The following MYO16 variants were observed in gnomAD, a reference collection of about 807,000 sequenced individuals.
MYO16 encodes the protein unconventional myosin-XVI.
MYO16 carries 94 observed loss-of-function variants against 205.3 expected under a neutral mutation model. The observed-to-expected ratio is 0.46, with a 90% CI of 0.39 to 0.54. The LOEUF (loss-of-function observed/expected upper bound fraction) is 0.54, where lower values mean the gene tolerates loss of function less well. Among genes scored for constraint, MYO16 ranks in the 20% least tolerant of loss-of-function variants. MYO16 has a pLI of 0.00. For missense variants in MYO16, 2,315 were observed against 2,387.5 expected, an observed-to-expected ratio of 0.97 and a Z score of 0.63; for synonymous variants, 988 against 954.0, an observed-to-expected ratio of 1.04 and a Z score of -0.66.
intron 4 of MYO16, among the ~76,000 whole-genome samples, chr13:108,768,907 C>G (rs4316621): frequency 0.17 from 26,062 of 151,802 alleles, 2,369 homozygotes; most frequent in Middle Eastern, 0.3. Flanking sequence ...AAGAAGAAAT[C>G]AAATGGCCAT....
intron 16 of MYO16, among the ~76,000 whole-genome samples, chr13:108,939,086 C>T (rs1882614589): frequency 6.6e-6 from 1 of 152,234 alleles, no homozygotes; most frequent in African/African-American, 2.4e-5. Flanking sequence ...GCAGGCTCTC[C>T]AATCTCAGGC....
chr13:109,084,088 A>G (rs974853573), intron 27 of MYO16, among the ~76,000 whole-genome samples: 3 of 152,238 alleles, frequency 2.0e-5, no homozygotes, highest in African/African-American at 7.2e-5. Flanking sequence ...TGTTAAGCAA[A>G]TTGTCATAGT....
chr13:108,708,500 C>T (rs1047673694), intron 2 of MYO16, among the ~76,000 whole-genome samples: 8 of 152,236 alleles, frequency 5.3e-5, no homozygotes, highest in African/African-American at 1.9e-4. Flanking sequence ...AACACAAGAA[C>T]TCCCATATCC....
chr13:108,552,104 G>A, the MYO16 span, among the ~76,000 whole-genome samples: 1 of 152,122 alleles, frequency 6.6e-6, no homozygotes, highest in Non-Finnish European at 1.5e-5. Context: ...GTTTGAGGGA[G>A]GGGTCCATGG....
chr13:108,850,397 G>A (rs1406516003), intron 10 of MYO16, among the ~76,000 whole-genome samples: 2 of 152,274 alleles, frequency 1.3e-5, no homozygotes, highest in East Asian at 1.9e-4. Context: ...GCTTTGGATC[G>A]CAAAACATTT....
intron 11 of MYO16, among the ~76,000 whole-genome samples, chr13:108,863,967 T>C (rs2139120482): frequency 6.6e-6 from 1 of 152,320 alleles, no homozygotes; most frequent in South Asian, 2.1e-4. Context: ...GGCTACACTA[T>C]GGTTCATAAT....
intron 2 of MYO16, among the ~76,000 whole-genome samples, chr13:108,672,401 T>C (rs376439245): frequency 6.6e-5 from 10 of 152,222 alleles, no homozygotes; most frequent in African/African-American, 2.4e-4. Flanking sequence ...TTTTATCTCT[T>C]ATTTCCAAGT....
the MYO16 span, among the ~76,000 whole-genome samples, chr13:108,544,753 T>G: frequency 0.77 from 116,727 of 152,006 alleles, 45,122 homozygotes; most frequent in African/African-American, 0.8. Flanking sequence ...CCACCAGCAT[T>G]CTTCCTAGAC....
Position 108,617,159 on chromosome 13 carries a change from A to T in MYO16, c.-39+20920A>T, listed in dbSNP as rs368865503. On this transcript the variant is annotated intron_variant, in intron 1 of 24. Transcript: ENST00000251041. ...AGGTTTTTGTTTTCCTAGAGCAGTG[A>T]TTCTCAGACTTAGTGTTTAGCAGAG... 5.3e-5 allele frequency among the ~76,000 whole-genome samples: 8 copies of T among 152,156 alleles called. No homozygotes were observed. The East Asian group carries it at 1.5e-3, about 29-fold the overall frequency.
intron 16 of MYO16, among the ~76,000 whole-genome samples, chr13:108,935,009 G>A (rs1410814375): frequency 6.6e-6 from 1 of 152,124 alleles, no homozygotes; most frequent in Non-Finnish European, 1.5e-5. Context: ...GTACCATCAT[G>A]TTTGGGTTAC....
intron 9 of MYO16, among the ~76,000 whole-genome samples, chr13:108,842,072 GT>G (rs1877270270): frequency 6.6e-6 from 1 of 151,916 alleles, no homozygotes; most frequent in South Asian, 2.1e-4. Context: ...GAAAAATTAA[GT>G]CAAAATGGAT....
chr13:109,152,869 G>A (rs2139839401), intron 32 of MYO16, among the ~76,000 whole-genome samples: 1 of 152,124 alleles, frequency 6.6e-6, no homozygotes, highest in East Asian at 1.9e-4. Context: ...AAAGGTTTCG[G>A]AAAAATCACT....
At chr13:108,634,434 C>A (rs1485824047) in intron 1 of MYO16, among the ~76,000 whole-genome samples, 1 of 152,170 alleles carries the variant, frequency 6.6e-6, no homozygotes, top group Non-Finnish European at 1.5e-5. Flanking sequence ...CAGCTTCCAA[C>A]AGAGTGAATA....
intron 34 of MYO16, among the ~76,000 whole-genome samples, chr13:109,204,466 C>T (rs767724326): frequency 3.3e-5 from 5 of 152,092 alleles, no homozygotes; most frequent in African/African-American, 7.2e-5. Flanking sequence ...TGGAGGATGA[C>T]GGAGGAGCTG....
At chr13:109,086,493 G>A (rs563026180) in intron 27 of MYO16, among the ~76,000 whole-genome samples, 1 of 152,046 alleles carries the variant, frequency 6.6e-6, no homozygotes, top group South Asian at 2.1e-4. Flanking sequence ...ATTTCTTTAG[G>A]GTTCTAGCTA....
At chr13:108,890,634 A>C (rs74593953) in intron 14 of MYO16, among the ~76,000 whole-genome samples, 3,939 of 152,094 alleles carry the variant, frequency 0.026, 299 homozygotes, top group East Asian at 0.23. Context: ...TCTAGTTCGG[A>C]CTCATTGATA....
the MYO16 span, among the ~76,000 whole-genome samples, chr13:108,556,815 G>C: frequency 6.6e-6 from 1 of 151,846 alleles, no homozygotes. Flanking sequence ...TTTTGTATGT[G>C]TTGTTTGGTA....
chr13:108,523,248 C>T, the MYO16 span, among the ~76,000 whole-genome samples: 1 of 152,184 alleles, frequency 6.6e-6, no homozygotes, highest in African/African-American at 2.4e-5. Context: ...AGAAGCTCAA[C>T]TCCAACATAT....
At chr13:108,777,002 A>G (rs1336465752) in intron 4 of MYO16, among the ~76,000 whole-genome samples, 1 of 152,170 alleles carries the variant, frequency 6.6e-6, no homozygotes, top group African/African-American at 2.4e-5. Flanking sequence ...GTTAAATGCA[A>G]TAGCTAAGAT....
Sources: gnomAD v4.1 joint callset for allele counts (sites outside exome capture counted in the v4.1 genomes callset) on GRCh38, gnomAD v4.1.1 for gene constraint, MANE v1.5 for transcripts, NCBI Gene and HGNC (gene_info 2026-07-23, HGNC 2026-07-21) for gene names.